ZC3H12B: variants seen among roughly 807,000 people sequenced by gnomAD.
ZC3H12B encodes probable ribonuclease ZC3H12B.
A neutral mutation model predicts 43.9 loss-of-function variants in ZC3H12B; 7 were observed. The observed-to-expected ratio is 0.16, with a 90% CI of 0.09 to 0.30. The LOEUF is 0.30. ZC3H12B is among the 10% of genes least tolerant of loss of function. The probability of loss-of-function intolerance (pLI) is 1.00; values close to 1 mark genes in which losing one functional copy is unlikely to be tolerated. For synonymous variants in ZC3H12B, 222 were observed against 241.7 expected, an observed-to-expected ratio of 0.92 and a Z score of 0.76; for missense variants, 475 against 670.2, an observed-to-expected ratio of 0.71 and a Z score of 3.22.
the ZC3H12B span, among the ~76,000 whole-genome samples, chrX:65,311,062 A>T: frequency 0.082 from 9,134 of 111,862 alleles, 1,008 homozygotes; most frequent in African/African-American, 0.29. Context: ...AATCTAGGCA[A>T]TACTATTCAG....
chrX:65,078,665 G>A, the ZC3H12B span, among the ~76,000 whole-genome samples: 1 of 111,614 alleles, frequency 9.0e-6, no homozygotes, highest in Non-Finnish European at 1.9e-5. Flanking sequence ...AGTGTGACAA[G>A]AGAGTGACAA....
the ZC3H12B span, among the ~76,000 whole-genome samples, chrX:65,110,432 C>T: frequency 9.3e-6 from 1 of 107,124 alleles, no homozygotes; most frequent in South Asian, 4.1e-4. Context: ...TGTTGTATTA[C>T]ATTTAAGTCT....
intron 2 of ZC3H12B, among the ~76,000 whole-genome samples, chrX:65,386,993 G>T (rs889228395): frequency 8.9e-6 from 1 of 111,942 alleles, no homozygotes; most frequent in African/African-American, 3.3e-5. Flanking sequence ...TAGTTTGATT[G>T]CACTGTGGTC....
the ZC3H12B span, among the ~76,000 whole-genome samples, chrX:65,213,723 A>G: frequency 3.2e-4 from 35 of 110,228 alleles, no homozygotes; most frequent in African/African-American, 1.1e-3. Flanking sequence ...TTTAATGACT[A>G]CTTATTTTTT....
the ZC3H12B span, among the ~76,000 whole-genome samples, chrX:65,188,677 A>G: frequency 9.0e-6 from 1 of 111,079 alleles, no homozygotes; most frequent in Non-Finnish European, 1.9e-5. Flanking sequence ...GCTATGGTAA[A>G]TGAAATTATT....
At chrX:65,224,280 C>G in the ZC3H12B span, among the ~76,000 whole-genome samples, 1 of 112,366 alleles carries the variant, frequency 8.9e-6, no homozygotes, top group Non-Finnish European at 1.9e-5. Context: ...GATACAATTG[C>G]CTTTGAGTAC....
the ZC3H12B span, among the ~76,000 whole-genome samples, chrX:65,242,414 C>T: frequency 9.0e-6 from 1 of 111,192 alleles, no homozygotes; most frequent in Admixed American, 9.6e-5. Flanking sequence ...AATAAAGTAC[C>T]TAGAAATAAA....
At chrX:65,409,294 A>G (rs2066874434) in intron 3 of ZC3H12B, among the ~76,000 whole-genome samples, 1 of 111,091 alleles carries the variant, frequency 9.0e-6, no homozygotes, top group African/African-American at 3.3e-5. Context: ...TGAAAAAAAA[A>G]TAAAAAAAAT....
chrX:65,217,935 A>G, the ZC3H12B span, among the ~76,000 whole-genome samples: 1 of 112,047 alleles, frequency 8.9e-6, no homozygotes, highest in Non-Finnish European at 1.9e-5. Flanking sequence ...ACGTATGAAG[A>G]CCCAGATACC....
At chrX:65,363,504 A>G (rs2066131130), upstream of ZC3H12B, among the ~76,000 whole-genome samples, 1 of 111,606 alleles carries the variant, frequency 9.0e-6, no homozygotes, top group Non-Finnish European at 1.9e-5. Context: ...ATAAACTCAC[A>G]AAAGGAAATC....
At chrX:65,480,509 T>A (rs1378578397) in intron 3 of ZC3H12B, among the ~76,000 whole-genome samples, 1 of 112,210 alleles carries the variant, frequency 8.9e-6, no homozygotes, top group Non-Finnish European at 1.9e-5. Flanking sequence ...TTTGATCAGA[T>A]GAACTTCACT....
At chrX:65,436,535 C>T (rs1380848293) in intron 3 of ZC3H12B, among the ~76,000 whole-genome samples, 1 of 112,294 alleles carries the variant, frequency 8.9e-6, no homozygotes, top group African/African-American at 3.2e-5. Context: ...CAGCTACAAC[C>T]AGAAATAATT....
At chrX:65,461,058 C>T (rs1176355392) in intron 3 of ZC3H12B, among the ~76,000 whole-genome samples, 1 of 111,911 alleles carries the variant, frequency 8.9e-6, no homozygotes, top group East Asian at 2.8e-4. Context: ...TATGAACAGA[C>T]AATTTTCAAA....
At chrX:65,328,019 G>C in the ZC3H12B span, 2 of 261,871 alleles carry the variant, frequency 7.6e-6, no homozygotes, top group African/African-American at 2.8e-5. Context: ...CTCAGGAGGA[G>C]CCACTTGATA....
chrX:65,170,414 G>T, the ZC3H12B span, among the ~76,000 whole-genome samples: 14 of 112,026 alleles, frequency 1.2e-4, no homozygotes, highest in Admixed American at 2.8e-4. Context: ...CTGTTAGTCT[G>T]ATGGGCTTCC....
At chrX:65,305,074 A>T in the ZC3H12B span, among the ~76,000 whole-genome samples, 1 of 112,225 alleles carries the variant, frequency 8.9e-6, no homozygotes, top group Non-Finnish European at 1.9e-5. Flanking sequence ...ATTTCTCATT[A>T]AAGAAATGCA....
At chrX:65,150,476 A>G in the ZC3H12B span, among the ~76,000 whole-genome samples, 5 of 109,183 alleles carry the variant, frequency 4.6e-5, no homozygotes, top group African/African-American at 1.7e-4. Context: ...CCCATCCTCT[A>G]AGTTCCTTCC....
the ZC3H12B span, among the ~76,000 whole-genome samples, chrX:65,234,043 G>A: frequency 1.8e-5 from 2 of 111,120 alleles, no homozygotes; most frequent in Admixed American, 9.6e-5. Context: ...CTGATGCTAA[G>A]ACCGGACAAA....
At chrX:65,349,910 T>C in the ZC3H12B span, among the ~76,000 whole-genome samples, 1 of 111,623 alleles carries the variant, frequency 9.0e-6, no homozygotes, top group Non-Finnish European at 1.9e-5. Flanking sequence ...GGATTCACAA[T>C]GAAATTCTAC....
Sources: gnomAD v4.1 joint callset for allele counts (sites outside exome capture counted in the v4.1 genomes callset) on GRCh38, gnomAD v4.1.1 for gene constraint, MANE v1.5 for transcripts, NCBI Gene and HGNC (gene_info 2026-07-23, HGNC 2026-07-21) for gene names.